Variants in BCL2L10 observed in about 807,000 individuals in gnomAD.
The protein encoded by BCL2L10 is BCL2 like 10.
A neutral mutation model predicts 11.1 loss-of-function variants in BCL2L10; 14 were observed. The observed-to-expected ratio is 1.26, with a 90% CI of 0.83 to 1.96. The LOEUF is 1.96. Among genes scored for constraint, BCL2L10 ranks in the 30% most tolerant of loss-of-function variants. The pLI, the probability that BCL2L10 is intolerant of heterozygous loss-of-function variation, is 0.00. For synonymous variants in BCL2L10, 154 were observed against 133.4 expected (o/e 1.15, Z -1.07); for missense variants, 309 against 273.9 (o/e 1.13, Z -0.90).
chr15:52,110,518 C>T (rs1056547916), intron 1 of BCL2L10, among the ~76,000 whole-genome samples: 6 of 152,062 alleles, frequency 3.9e-5, no homozygotes, highest in African/African-American at 1.4e-4. Flanking sequence ...ACTGCAATCT[C>T]CACCTCCTGG....
Position 52,112,754 on chromosome 15 carries a change from C to T in BCL2L10, c.-28G>A. 1.3e-6 allele frequency: 2 copies of T among 1,501,090 alleles called. No homozygotes were observed. The highest frequency in any genetic ancestry group is 8.8e-7 in the Non-Finnish European group (1 of 1,132,790). 93.0% of individuals were successfully genotyped at this position (1,501,090 alleles called of 1,614,324 possible). A position where few individuals can be genotyped will look rare whatever the true frequency, so the allele number is the denominator to read the frequency against. On this transcript the variant is annotated 5_prime_UTR_variant, in exon 1 of 2. Transcript: ENST00000260442. ...TCCGGCCTCTGCTGGGGGGCCGGGC[C>T]TTCGCTGGTTTTCTTGGCCCGGCCG...
Position 52,112,530 on chromosome 15 carries a change from G to A in BCL2L10, c.197C>T (p.Ala66Val), listed in dbSNP as rs1368724600. ...LRQIHRSFFS[A>V]YLGYPGNRFE... ...GCGGTTCCCGGGGTAGCCGAGGTAG[G>A]CGGAGAAAAAGGACCGGTGAATCTG... The change falls in exon 1 of 2, where the codon GCC becomes GTC. Residue 66 changes from alanine to valine, a missense_variant. By Grantham distance (64) the Ala-to-Val change is moderately conservative (BLOSUM62 0). Transcript: ENST00000260442. 2.5e-6 allele frequency: 4 copies of A among 1,592,732 alleles called. No individual in the cohort carries two copies. In the African/African-American group the frequency reaches 5.4e-5, roughly 21 times the overall value.
At position 52,112,331 on chromosome 15, in the gene BCL2L10, G is replaced by A. The variant is rs768266669; in HGVS notation, c.396C>T (p.Gly132=). ...GGCGCTGGCAGTCCCGGGCGACGTC[G>A]CCCTCCTGCTCCTTTAGCCGCGGCT... The part of the protein sequence containing the change: ...GFQPRLKEQE[G]DVARDCQRLV... The change falls in exon 1 of 2, where the codon GGC becomes GGT. Residue 132 remains glycine, a synonymous_variant. Transcript: ENST00000260442. 7 of 1,590,076 alleles carry A rather than the reference G, an allele frequency of 4.4e-6. No homozygotes were observed. The highest frequency in any genetic ancestry group is 1.7e-5 in the Admixed American group (1 of 58,700).
intron 1 of BCL2L10, among the ~76,000 whole-genome samples, chr15:52,112,007 G>C (rs1297057951): frequency 6.6e-6 from 1 of 152,242 alleles, no homozygotes; most frequent in Non-Finnish European, 1.5e-5. Flanking sequence ...CAGCTGCTTC[G>C]GAACGGTTCA....
At chr15:52,111,173 A>AACACACACACACACACACAC (rs71130130) in intron 1 of BCL2L10, among the ~76,000 whole-genome samples, 1,262 of 121,720 alleles carry the variant, frequency 0.01, 25 homozygotes, top group Admixed American at 0.018. Context: ...CTCTACTGAA[A>AACACACACACACACACACAC]ACACACACAC....
In BCL2L10 at chr15:52,112,351, G is replaced by A. The variant is rs371652431; in HGVS notation, c.376C>T (p.Arg126Trp). ...ACGTCGCCCTCCTGCTCCTTTAGCC[G>A]CGGCTGGAAGCCCCACTTCTTCCAC... ...ARWKKWGFQP[R>W]LKEQEGDVAR... is the part of the protein sequence containing the mutation. Residue 126 changes from arginine (R) to tryptophan (W), a missense_variant, in exon 1 of 2, where the codon CGG becomes TGG. By Grantham distance (101) the Arg-to-Trp change is moderately radical. Transcript: ENST00000260442. 6.2e-7 allele frequency: 1 copy of A among 1,600,076 alleles called. No individual in the cohort carries two copies. Among genetic ancestry groups the A allele is most frequent in the Non-Finnish European group, 8.5e-7 (1 of 1,177,928 alleles).
chr15:52,112,547 G>C lies in BCL2L10; in HGVS notation c.180C>G (p.His60Gln). 6.3e-7 allele frequency: 1 copy of C among 1,588,832 alleles called. No homozygotes were observed. The highest frequency in any genetic ancestry group is 8.5e-7 in the Non-Finnish European group (1 of 1,173,240). ...CGAGGTAGGCGGAGAAAAAGGACCG[G>C]TGAATCTGCCGTAACCTGGCGGCCG... The part of the protein sequence containing the change: ...RSAAARLRQI[H>Q]RSFFSAYLGY... Residue 60 changes from histidine to glutamine, a missense_variant, in exon 1 of 2, where the codon CAC (histidine) becomes CAG (glutamine). Transcript: ENST00000260442.
chr15:52,112,443 C>G lies in BCL2L10; in HGVS notation c.284G>C (p.Gly95Ala). The G allele has an allele frequency of 6.2e-7, 1 of 1,606,866 alleles. No individual in the cohort carries two copies. The highest frequency in any genetic ancestry group is 8.5e-7 in the Non-Finnish European group (1 of 1,179,516). Reference sequence around the variant, plus strand: ...GAAGGTCACGAGCGTCACCACTCTGCCCCAGGTGGGGCCGGGGCTGTCGGA... The same window carrying G: ...GAAGGTCACGAGCGTCACCACTCTGGCCCAGGTGGGGCCGGGGCTGTCGGA... ...VLSDSPGPTW[G>A]RVVTLVTFAG... The change falls in exon 1 of 2, where the codon GGC (glycine) becomes GCC (alanine). Residue 95 changes from glycine (G) to alanine (A), a missense_variant. Transcript: ENST00000260442.
rs2141170530 is a variant in BCL2L10 at position 52,112,713 on chromosome 15, A to T, written c.14T>A (p.Leu5Ter). MVDQ[L>*]RERTTMADPL... The stretch of plus-strand genomic sequence containing the variant: ...GTCGGCCATGGTGGTGCGCTCCCGC[A>T]ACTGGTCAACCATGGTCCGGCCTCT... Residue 5 changes from leucine to a stop codon, truncating the protein, a stop_gained, in exon 1 of 2, where the codon TTG becomes TAG. Coordinates refer to ENST00000260442, the MANE Select transcript of BCL2L10 (RefSeq NM_020396.4). LOFTEE classifies it high-confidence loss of function. The T allele has an allele frequency of 2.0e-6, 3 of 1,535,526 alleles. No individual in the cohort carries two copies. Among genetic ancestry groups the T allele is most frequent in the East Asian group, 4.9e-5 (2 of 40,682 alleles).
At position 52,112,441 on chromosome 15, in the gene BCL2L10, T is replaced by A. The variant is rs1485964515; in HGVS notation, c.286A>T (p.Arg96Ter). ...GCGAAGGTCACGAGCGTCACCACTC[T>A]GCCCCAGGTGGGGCCGGGGCTGTCG... Reference protein sequence around the residue: ...LSDSPGPTWGRVVTLVTFAGT... With the variant: ...LSDSPGPTWG The change falls in exon 1 of 2, where the codon AGA becomes TGA. Residue 96 changes from arginine (R) to a stop codon, truncating the protein, a stop_gained. Transcript: ENST00000260442. LOFTEE classifies it high-confidence loss of function. The A allele has an allele frequency of 1.9e-6, 3 of 1,606,834 alleles. No individual in the cohort carries two copies. The highest frequency in any genetic ancestry group is 1.7e-6 in the Non-Finnish European group (2 of 1,179,476).
chr15:52,109,990 G>C lies in BCL2L10; in HGVS notation c.490-17C>G. On this transcript the variant is annotated splice_polypyrimidine_tract_variant and intron_variant, in intron 1 of 1. Transcript: ENST00000260442. ...AAAGCCATCCTACAGGGGGGAGAGA[G>C]AAAAGTTAGATTGCCTCATGATGCT... 1 of 1,586,898 alleles carries C rather than the reference G, an allele frequency of 6.3e-7. No individual in the cohort carries two copies. Among genetic ancestry groups the C allele is most frequent in the Non-Finnish European group, 8.6e-7 (1 of 1,167,370 alleles).
intron 1 of BCL2L10, 153 bp downstream of exon 1, chr15:52,112,085 G>T: frequency 1.5e-6 from 2 of 1,346,350 alleles, no homozygotes; most frequent in Admixed American, 3.4e-5. Context: ...AGACTTCACA[G>T]CGAACGTTCC....
At chr15:52,111,020 G>A (rs2033046103) in intron 1 of BCL2L10, among the ~76,000 whole-genome samples, 1 of 152,076 alleles carries the variant, frequency 6.6e-6, no homozygotes, top group Non-Finnish European at 1.5e-5. Flanking sequence ...TTCTCAGATA[G>A]AACCCAACTT....
Position 52,109,750 on chromosome 15 carries a change from G to A in BCL2L10, c.*98C>T. ...TATGCATTCAGATAAAAACGTCTGG[G>A]GTGGGGGAAGGTGCTTTCCCTCAGT... is the stretch of plus-strand genomic sequence containing the variant. On this transcript the variant is annotated 3_prime_UTR_variant, in exon 2 of 2. Coordinates refer to ENST00000260442, the MANE Select transcript of BCL2L10 (RefSeq NM_020396.4). The A allele has an allele frequency of 6.7e-7, 1 of 1,499,410 alleles. No homozygotes were observed. The highest frequency in any genetic ancestry group is 9.1e-7 in the Non-Finnish European group (1 of 1,099,810). The allele number at this position is 1,499,410 out of a possible 1,614,324, so 92.9% of individuals were successfully genotyped here.
chr15:52,110,505 C>T (rs1311839898), intron 1 of BCL2L10, among the ~76,000 whole-genome samples: 1 of 152,026 alleles, frequency 6.6e-6, no homozygotes, highest in African/African-American at 2.4e-5. Flanking sequence ...AAGATCTCAA[C>T]TCACTGCAAT....
chr15:52,110,929 C>T (rs1304832954), intron 1 of BCL2L10, among the ~76,000 whole-genome samples: 1 of 152,108 alleles, frequency 6.6e-6, no homozygotes, highest in African/African-American at 2.4e-5. Flanking sequence ...GGGAGTTCAC[C>T]GGCCCAGAGG....
At chr15:52,110,213 T>C (rs1431649235) in intron 1 of BCL2L10, among the ~76,000 whole-genome samples, 1 of 152,228 alleles carries the variant, frequency 6.6e-6, no homozygotes, top group Non-Finnish European at 1.5e-5. Context: ...GGAACACTCA[T>C]ATCTTGACTC....
In BCL2L10 at chr15:52,112,437, A is replaced by T; in HGVS notation, c.290T>A (p.Val97Glu). 2 of 1,606,012 alleles carry T rather than the reference A, an allele frequency of 1.2e-6. No individual in the cohort carries two copies. Among genetic ancestry groups the T allele is most frequent in the Non-Finnish European group, 1.7e-6 (2 of 1,179,272 alleles). ...SDSPGPTWGR[V>E]VTLVTFAGTL... The stretch of plus-strand genomic sequence containing the variant: ...CCCTGCGAAGGTCACGAGCGTCACC[A>T]CTCTGCCCCAGGTGGGGCCGGGGCT... The change falls in exon 1 of 2, where the codon GTG becomes GAG. Residue 97 changes from valine to glutamate, a missense_variant. Val to Glu is a moderately radical substitution (Grantham distance 121). Coordinates refer to ENST00000260442, the MANE Select transcript of BCL2L10 (RefSeq NM_020396.4).
intron 1 of BCL2L10, 79 bp downstream of exon 1, chr15:52,112,159 G>A: frequency 1.4e-6 from 2 of 1,409,492 alleles, no homozygotes; most frequent in Non-Finnish European, 9.2e-7. Flanking sequence ...GGCGCGGTGG[G>A]TTCCTCACCG....
Sources: allele counts gnomAD v4.1 joint callset (sites outside exome capture counted in the v4.1 genomes callset), GRCh38; gene constraint gnomAD v4.1.1; transcripts MANE v1.5; gene names NCBI Gene and HGNC (gene_info 2026-07-23, HGNC 2026-07-21).